Variants in CTNNA3 observed in about 807,000 individuals in gnomAD.
The protein encoded by CTNNA3 is catenin alpha 3.
Under a neutral mutation model 95.7 loss-of-function variants are expected in CTNNA3, and 76 were observed. That is an observed-to-expected ratio of 0.79 (90% confidence interval 0.66 to 0.96). The LOEUF (loss-of-function observed/expected upper bound fraction) is 0.96, where lower values mean the gene tolerates loss of function less well. Ranked by LOEUF, CTNNA3 falls within the 40% of genes least tolerant of loss-of-function variation. The pLI, the probability that CTNNA3 is intolerant of heterozygous loss-of-function variation, is 0.00. For missense variants in CTNNA3, 1,191 were observed against 1,089.8 expected (o/e 1.09, Z -1.31); for synonymous variants, 431 against 374.4 (o/e 1.15, Z -1.74).
Position 66,530,366 on chromosome 10 carries a change from T to C in CTNNA3, c.1375-9593A>G, listed in dbSNP as rs79660576. ...TTCAGAATTCTAGCAACTGGAGTAA[T>C]GGCATCAAATTCAATGCTCTAACTC... On this transcript the variant is annotated intron_variant, in intron 10 of 17. Transcript: ENST00000433211. 3.3e-3 allele frequency among the ~76,000 whole-genome samples: 495 copies of C among 152,278 alleles called. 3 individuals are homozygous for C. The highest frequency in any genetic ancestry group is 0.011 in the African/African-American group (478 of 41,572).
intron 3 of CTNNA3, among the ~76,000 whole-genome samples, chr10:67,600,271 C>T (rs951146181): frequency 4.0e-5 from 6 of 151,720 alleles, no homozygotes; most frequent in Non-Finnish European, 7.4e-5. Flanking sequence ...CAGATAGTAA[C>T]GTAAGAAAAT....
At chr10:66,413,145 G>A (rs571702351) in intron 11 of CTNNA3, among the ~76,000 whole-genome samples, 1 of 152,176 alleles carries the variant, frequency 6.6e-6, no homozygotes, top group East Asian at 1.9e-4. Flanking sequence ...ACAGTTTTAT[G>A]TAGTTAGCAC....
At chr10:67,714,953 A>C (rs3125308) in intron 1 of CTNNA3, among the ~76,000 whole-genome samples, 7 of 152,194 alleles carry the variant, frequency 4.6e-5, no homozygotes, top group South Asian at 2.1e-4. Context: ...CCCCAGCCAT[A>C]TGGAGCTGGA....
intron 15 of CTNNA3, among the ~76,000 whole-genome samples, chr10:66,017,882 C>A (rs1260180321): frequency 6.6e-6 from 1 of 152,034 alleles, no homozygotes; most frequent in African/African-American, 2.4e-5. Context: ...AATTCATTTT[C>A]TCACAGAGAT....
At chr10:66,775,054 A>G (rs1341961798) in intron 8 of CTNNA3, among the ~76,000 whole-genome samples, 3 of 152,216 alleles carry the variant, frequency 2.0e-5, no homozygotes, top group Non-Finnish European at 4.4e-5. Flanking sequence ...TCAATTGATC[A>G]ACATTCCCTA....
chr10:66,028,062 T>C (rs998784659), intron 15 of CTNNA3, among the ~76,000 whole-genome samples: 2 of 152,192 alleles, frequency 1.3e-5, no homozygotes, highest in African/African-American at 2.4e-5. Context: ...TACTTATACT[T>C]AAATATGAAC....
chr10:67,109,761 T>C (rs1272022910), intron 7 of CTNNA3, among the ~76,000 whole-genome samples: 1 of 151,948 alleles, frequency 6.6e-6, no homozygotes, highest in Non-Finnish European at 1.5e-5. Context: ...GAGAATGGGG[T>C]GAATCTGGGA....
chr10:67,378,388 A>C (rs1213927069), intron 5 of CTNNA3, among the ~76,000 whole-genome samples: 2 of 152,194 alleles, frequency 1.3e-5, no homozygotes, highest in East Asian at 3.9e-4. Flanking sequence ...AGGTATGGTT[A>C]TCAAAACTAA....
In CTNNA3 at chr10:66,481,655, T is replaced by C. The variant is rs1441432281; in HGVS notation, c.1531+38962A>G. On this transcript the variant is annotated intron_variant, in intron 11 of 17. Transcript: ENST00000433211. Reference sequence around the variant, plus strand: ...CCCGGCTAATTTTTTGTATTTTTAGTAGAGACGGGGTTTCACCGTGTTAGC... The same window carrying C: ...CCCGGCTAATTTTTTGTATTTTTAGCAGAGACGGGGTTTCACCGTGTTAGC... Among the ~76,000 whole-genome samples the C allele has an allele frequency of 2.1e-5, 3 of 141,308 alleles. 1 individual carries two copies. The highest frequency in any genetic ancestry group is 2.0e-4 in the Admixed American group (3 of 14,828). The allele number at this position is 141,308 out of a possible 152,430, so 92.7% of individuals were successfully genotyped here.
Position 65,991,027 on chromosome 10 carries a change from C to T in CTNNA3, c.2160-2230G>A, listed in dbSNP as rs115383185. 7.9e-3 allele frequency among the ~76,000 whole-genome samples: 1,209 copies of T among 152,150 alleles called. 12 individuals are homozygous for T. The highest frequency in any genetic ancestry group is 0.028 in the African/African-American group (1,159 of 41,532). On this transcript the variant is annotated intron_variant, in intron 15 of 17. Transcript: ENST00000433211. ...CATTTATTGAAGAGCCATCCTTTCC[C>T]CAGTGCCTGTTCTTCCCACCTTTGT...
Position 66,421,897 on chromosome 10 carries a change from G to GATGTGTATATATAT in CTNNA3, c.1532-42546_1532-42545insATATATATACACAT. The stretch of plus-strand genomic sequence containing the variant: ...TTTCTAAGAGCTTCATAATAAATGT[G>GATGTGTATATATAT]ATATATATATATATATATACACACA... On this transcript the variant is annotated intron_variant, in intron 11 of 17. Transcript: ENST00000433211. Among the ~76,000 whole-genome samples, 278 of 107,580 alleles carry GATGTGTATATATAT rather than the reference G, an allele frequency of 2.6e-3. 1 individual carries two copies. The highest frequency in any genetic ancestry group is 4.3e-3 in the Non-Finnish European group (218 of 51,002). 70.6% of individuals were successfully genotyped at this position (107,580 alleles called of 152,430 possible). A position where few individuals can be genotyped will look rare whatever the true frequency, so the allele number is the denominator to read the frequency against.
rs764932546 is a variant in CTNNA3 at position 66,189,335 on chromosome 10, AG to A, written c.1885-86087del. ...AGGAGCATTTCCTCTTTTCTCTAGG[AG>A]TTTTTCAGTTTCAGGTCTTATGTTT... On this transcript the variant is annotated intron_variant, in intron 13 of 17. Transcript: ENST00000433211. Among the ~76,000 whole-genome samples, 37 of 149,326 alleles carry A rather than the reference AG, an allele frequency of 2.5e-4. 1 individual carries two copies. Among genetic ancestry groups the A allele is most frequent in the Non-Finnish European group, 8.9e-5 (6 of 67,530 alleles).
chr10:66,005,789 T>G (rs1418784533), intron 15 of CTNNA3, among the ~76,000 whole-genome samples: 1 of 152,084 alleles, frequency 6.6e-6, no homozygotes, highest in Admixed American at 6.5e-5. Flanking sequence ...ATATACTAAT[T>G]TCCTCTTTGA....
chr10:66,900,204 C>T (rs578256867), intron 7 of CTNNA3, among the ~76,000 whole-genome samples: 1 of 152,266 alleles, frequency 6.6e-6, no homozygotes, highest in South Asian at 2.1e-4. Flanking sequence ...GTTCTGCAGC[C>T]TCCACTGGTG....
At position 67,751,480 on chromosome 10, in the gene CTNNA3, T is replaced by A. The variant is rs182757505; in HGVS notation, c.-2+11954A>T. On this transcript the variant is annotated intron_variant, in intron 1 of 17. Coordinates refer to the CTNNA3 transcript ENST00000684154. Reference sequence around the variant, plus strand: ...TTCCACTTATCTGAACAAATGTCTGTCTGTCAAGCACCAGAAACTCTGCCA... The same window carrying A: ...TTCCACTTATCTGAACAAATGTCTGACTGTCAAGCACCAGAAACTCTGCCA... Among the ~76,000 whole-genome samples the A allele has an allele frequency of 6.6e-5, 10 of 152,210 alleles. No individual in the cohort carries two copies. The East Asian group carries it at 1.9e-3, about 29-fold the overall frequency.
At chr10:67,319,405 C>T (rs1841212946) in intron 5 of CTNNA3, among the ~76,000 whole-genome samples, 1 of 152,076 alleles carries the variant, frequency 6.6e-6, no homozygotes, top group African/African-American at 2.4e-5. Flanking sequence ...AACCCCAACC[C>T]GGTAGCACAC....
chr10:66,111,854 A>C (rs2082133023), intron 13 of CTNNA3, among the ~76,000 whole-genome samples: 1 of 152,138 alleles, frequency 6.6e-6, no homozygotes, highest in African/African-American at 2.4e-5. Context: ...GTCCTAACTA[A>C]ACTAGTTGTT....
At chr10:65,970,148 C>T (rs1287196935) in intron 16 of CTNNA3, among the ~76,000 whole-genome samples, 2 of 151,966 alleles carry the variant, frequency 1.3e-5, no homozygotes, top group Non-Finnish European at 2.9e-5. Flanking sequence ...AAAGAAATTT[C>T]AACAAAAAGT....
chr10:66,980,546 A>G (rs753252), intron 7 of CTNNA3, among the ~76,000 whole-genome samples: 31,875 of 144,750 alleles, frequency 0.22, 4,010 homozygotes, highest in East Asian at 0.52. Context: ...AACAGGAACC[A>G]AAACTATTGA....
Sources: gnomAD v4.1 joint callset for allele counts (sites outside exome capture counted in the v4.1 genomes callset) on GRCh38, gnomAD v4.1.1 for gene constraint, MANE v1.5 for transcripts, NCBI Gene and HGNC (gene_info 2026-07-23, HGNC 2026-07-21) for gene names.